Variants in ROR1 observed in about 807,000 individuals in gnomAD.
ROR1 encodes the protein ROR family WNT receptor 1.
A neutral mutation model predicts 78.8 loss-of-function variants in ROR1; 19 were observed. The observed-to-expected ratio is 0.24, with a 90% CI of 0.17 to 0.35. The LOEUF is 0.35. Among genes scored for constraint, ROR1 ranks in the 10% least tolerant of loss-of-function variants. The pLI, the probability that ROR1 is intolerant of heterozygous loss-of-function variation, is 1.00. For synonymous variants in ROR1, 386 were observed against 433.6 expected (o/e 0.89, Z 1.36); for missense variants, 917 against 1,177.8 (o/e 0.78, Z 3.24).
At chr1:63,905,714 C>T (rs756776450) in intron 1 of ROR1, among the ~76,000 whole-genome samples, 8 of 152,124 alleles carry the variant, frequency 5.3e-5, no homozygotes, top group South Asian at 2.1e-4. Flanking sequence ...ATCCTATTGA[C>T]GTTCTAGCTT....
intron 1 of ROR1, among the ~76,000 whole-genome samples, chr1:63,969,958 T>A (rs1646106305): frequency 6.6e-6 from 1 of 152,182 alleles, no homozygotes; most frequent in Non-Finnish European, 1.5e-5. Context: ...TCCTCAAATC[T>A]TAAGACTTTA....
chr1:64,116,674 C>T (rs17357054), intron 4 of ROR1, among the ~76,000 whole-genome samples: 46,323 of 151,844 alleles, frequency 0.31, 7,502 homozygotes, highest in African/African-American at 0.34. Context: ...AGGAAAAGGG[C>T]GTTTTAAATG....
intron 4 of ROR1, among the ~76,000 whole-genome samples, chr1:64,130,513 C>G (rs1433537812): frequency 6.6e-6 from 1 of 152,134 alleles, no homozygotes; most frequent in African/African-American, 2.4e-5. Flanking sequence ...TTCCTTGTCT[C>G]TGCCTATACC....
chr1:64,144,887 G>A (rs898487505), intron 7 of ROR1, among the ~76,000 whole-genome samples: 7 of 152,076 alleles, frequency 4.6e-5, no homozygotes, highest in African/African-American at 1.7e-4. Flanking sequence ...TAAGTGCCTG[G>A]GTTTGAATCC....
In ROR1 at chr1:64,090,705, G is replaced by T. The variant is rs540480075; in HGVS notation, c.482+39989G>T. On this transcript the variant is annotated intron_variant, in intron 4 of 8. Transcript: ENST00000371079. The stretch of plus-strand genomic sequence containing the variant: ...TTGTCCTGGTGATAAGCAAATGGCT[G>T]GGATGGTTTTCCTCAGTGAAAATCA... Among the ~76,000 whole-genome samples the T allele has an allele frequency of 3.9e-5, 6 of 152,276 alleles. No homozygotes were observed. The South Asian group carries it at 1.2e-3, about 32-fold the overall frequency.
intron 1 of ROR1, among the ~76,000 whole-genome samples, chr1:63,824,321 T>C (rs1416187794): frequency 1.3e-5 from 2 of 152,234 alleles, no homozygotes; most frequent in Non-Finnish European, 2.9e-5. Context: ...ATAGATAATT[T>C]GTAAACAAAT....
rs1273822103 is a variant in ROR1, at chr1:63,863,804, T to TTGTATTGTATTGTAA, written c.91+89296_91+89297insTGTATTGTATTGTAA. On this transcript the variant is annotated intron_variant, in intron 1 of 8. Transcript: ENST00000371079. Reference sequence around the variant, plus strand: ...TTGTATTGTATTGTATTGTATTGTATCATAGATGGCGATACTTGTTCAGTT... The same window carrying TTGTATTGTATTGTAA: ...TTGTATTGTATTGTATTGTATTGTATTGTATTGTATTGTAACATAGATGGCGATACTTGTTCAGTT... Among the ~76,000 whole-genome samples the TTGTATTGTATTGTAA allele has an allele frequency of 7.7e-3, 931 of 120,998 alleles. 98 individuals are homozygous for TTGTATTGTATTGTAA. Among genetic ancestry groups the TTGTATTGTATTGTAA allele is most frequent in the African/African-American group, 0.031 (784 of 24,982 alleles). 79.4% of individuals were successfully genotyped at this position (120,998 alleles called of 152,430 possible).
At chr1:64,166,952 C>A (rs1379272938) in intron 8 of ROR1, among the ~76,000 whole-genome samples, 1 of 152,190 alleles carries the variant, frequency 6.6e-6, no homozygotes, top group Middle Eastern at 3.2e-3. Context: ...CATAAACGGA[C>A]TAAAGTACTT....
At chr1:64,050,552 C>A in intron 3 of ROR1, 134 bp from the exon 4 acceptor site, 13 of 804,868 alleles carry the variant, frequency 1.6e-5, no homozygotes, top group South Asian at 8.6e-5. Context: ...TAGAGCAAAA[C>A]AATAAATTCC....
chr1:63,853,243 T>A (rs1645125360), intron 1 of ROR1, among the ~76,000 whole-genome samples: 1 of 152,216 alleles, frequency 6.6e-6, no homozygotes, highest in Admixed American at 6.5e-5. Context: ...GGTGATGTAC[T>A]TTATATCAGC....
chr1:64,145,695 T>C (rs140094048), intron 7 of ROR1, among the ~76,000 whole-genome samples: 1 of 152,282 alleles, frequency 6.6e-6, no homozygotes, highest in Non-Finnish European at 1.5e-5. Flanking sequence ...AAACAAAACA[T>C]AGATTTACTT....
chr1:63,928,210 C>T (rs755498834), intron 1 of ROR1, among the ~76,000 whole-genome samples: 20 of 152,084 alleles, frequency 1.3e-4, no homozygotes, highest in South Asian at 6.2e-4. Context: ...TTTTGGAGGA[C>T]GGATTTACTT....
intron 1 of ROR1, among the ~76,000 whole-genome samples, chr1:63,846,995 C>T (rs1387737665): frequency 2.6e-5 from 4 of 152,152 alleles, no homozygotes; most frequent in Non-Finnish European, 4.4e-5. Flanking sequence ...GGCTGGCTTC[C>T]GTGGGCCTCT....
chr1:64,003,724 C>A (rs1646405954), intron 1 of ROR1, among the ~76,000 whole-genome samples: 1 of 152,154 alleles, frequency 6.6e-6, no homozygotes, highest in Non-Finnish European at 1.5e-5. Context: ...CCTGCCTGTC[C>A]TTTTAAGTTA....
At chr1:63,795,199 A>G (rs1557500227) in intron 1 of ROR1, among the ~76,000 whole-genome samples, 1 of 152,178 alleles carries the variant, frequency 6.6e-6, no homozygotes, top group South Asian at 2.1e-4. Context: ...AATCATCAGA[A>G]GCCCCGCTGA....
chr1:64,102,653 G>C (rs1317976815), intron 4 of ROR1, among the ~76,000 whole-genome samples: 1 of 152,210 alleles, frequency 6.6e-6, no homozygotes, highest in African/African-American at 2.4e-5. Flanking sequence ...CCTGAAGAAT[G>C]CAACAGGTAT....
chr1:63,896,047 A>G (rs1393967690), intron 1 of ROR1, among the ~76,000 whole-genome samples: 3 of 152,062 alleles, frequency 2.0e-5, no homozygotes, highest in African/African-American at 7.2e-5. Context: ...GCTTCCACCT[A>G]CAGTGCCCTA....
At chr1:64,050,743 C>T (rs1646821966) in intron 4 of ROR1, 27 bp downstream of exon 4, 3 of 1,609,800 alleles carry the variant, frequency 1.9e-6, no homozygotes, top group Non-Finnish European at 2.6e-6. Context: ...CCTTTCTTGT[C>T]ATTTCTAAGT....
intron 4 of ROR1, among the ~76,000 whole-genome samples, chr1:64,057,706 CCTAGA>C (rs1477942750): frequency 4.6e-5 from 7 of 152,156 alleles, no homozygotes; most frequent in African/African-American, 1.7e-4. Context: ...CACAGCAACA[CCTAGA>C]CTAGTGTTTG....
Sources: gnomAD v4.1 joint callset for allele counts (sites outside exome capture counted in the v4.1 genomes callset) on GRCh38, gnomAD v4.1.1 for gene constraint, MANE v1.5 for transcripts, NCBI Gene and HGNC (gene_info 2026-07-23, HGNC 2026-07-21) for gene names.